The following CNBD1 variants were observed in gnomAD, a reference collection of about 807,000 sequenced individuals.
CNBD1 encodes the protein cyclic nucleotide-binding domain-containing protein 1.
Under a neutral mutation model 54.4 loss-of-function variants are expected in CNBD1, and 71 were observed. The observed-to-expected ratio is 1.30, with a 90% CI of 1.08 to 1.59. The LOEUF (loss-of-function observed/expected upper bound fraction) is 1.59, where lower values mean the gene tolerates loss of function less well. Ranked by LOEUF, CNBD1 falls within the 40% of genes most tolerant of loss-of-function variation. The pLI is 0.00. For synonymous variants in CNBD1, 182 were observed against 170.7 expected, an observed-to-expected ratio of 1.07 and a Z score of -0.51; for missense variants, 659 against 518.0, an observed-to-expected ratio of 1.27 and a Z score of -2.64.
intron 10 of CNBD1, among the ~76,000 whole-genome samples, chr8:87,365,327 G>C (rs1810621734): frequency 6.6e-6 from 1 of 151,676 alleles, no homozygotes; most frequent in Non-Finnish European, 1.5e-5. Context: ...CATGTCTTTT[G>C]CTCAGTTTTT....
chr8:87,326,477 A>G (rs1347571132), intron 8 of CNBD1, among the ~76,000 whole-genome samples: 1 of 123,480 alleles, frequency 8.1e-6, no homozygotes, highest in African/African-American at 3.0e-5. Flanking sequence ...ACATAGTCCC[A>G]TATTTCTTGG....
intron 4 of CNBD1, among the ~76,000 whole-genome samples, chr8:87,109,729 A>G (rs11990191): frequency 0.55 from 83,669 of 151,190 alleles, 24,844 homozygotes; most frequent in African/African-American, 0.78. Flanking sequence ...TAGTAGAGAC[A>G]GGGTCTCACC....
chr8:87,087,878 A>G (rs957218270), intron 4 of CNBD1, among the ~76,000 whole-genome samples: 3 of 152,186 alleles, frequency 2.0e-5, no homozygotes, highest in African/African-American at 7.2e-5. Context: ...CAGATGCTAA[A>G]TGACTTGCAA....
downstream of CNBD1, among the ~76,000 whole-genome samples, chr8:87,386,135 A>T (rs1811182003): frequency 6.6e-6 from 1 of 152,270 alleles, no homozygotes; most frequent in Middle Eastern, 3.4e-3. Context: ...TCAAAGACCA[A>T]AAGTAGATAA....
intron 4 of CNBD1, among the ~76,000 whole-genome samples, chr8:87,115,226 A>T (rs561299819): frequency 6.6e-6 from 1 of 152,326 alleles, no homozygotes; most frequent in African/African-American, 2.4e-5. Context: ...TCACTTAAAC[A>T]ATTACTTTAG....
At chr8:87,288,144 CT>C (rs1808730023) in intron 8 of CNBD1, among the ~76,000 whole-genome samples, 1 of 152,044 alleles carries the variant, frequency 6.6e-6, no homozygotes, top group Non-Finnish European at 1.5e-5. Context: ...ATTCAAGTAC[CT>C]GTAATGATGA....
At chr8:87,287,959 A>T (rs1473503586) in intron 8 of CNBD1, among the ~76,000 whole-genome samples, 1 of 151,952 alleles carries the variant, frequency 6.6e-6, no homozygotes, top group Non-Finnish European at 1.5e-5. Context: ...TGTTTATGAC[A>T]TTTTTTTCCT....
intron 4 of CNBD1, among the ~76,000 whole-genome samples, chr8:86,970,867 C>G (rs767014296): frequency 6.6e-6 from 1 of 152,070 alleles, no homozygotes; most frequent in African/African-American, 2.4e-5. Context: ...CTGAAGGGCA[C>G]CTAGGTTGAT....
At chr8:87,281,591 T>C (rs1808603083) in intron 6 of CNBD1, among the ~76,000 whole-genome samples, 1 of 68,918 alleles carries the variant, frequency 1.5e-5, no homozygotes, top group Admixed American at 1.4e-4. Context: ...TATATATATA[T>C]ATATATATAT....
chr8:87,121,998 G>C (rs1811900660), intron 4 of CNBD1, among the ~76,000 whole-genome samples: 1 of 151,094 alleles, frequency 6.6e-6, no homozygotes, highest in African/African-American at 2.4e-5. Flanking sequence ...CCTATATCTT[G>C]GCTGTTGTGA....
At chr8:87,354,591 G>C (rs542573529) in intron 10 of CNBD1, among the ~76,000 whole-genome samples, 2 of 149,600 alleles carry the variant, frequency 1.3e-5, no homozygotes, top group South Asian at 4.3e-4. Flanking sequence ...GGTGTGTGAT[G>C]TTCCCCTTCC....
intron 8 of CNBD1, among the ~76,000 whole-genome samples, chr8:87,305,921 A>G (rs764805244): frequency 6.6e-6 from 1 of 152,226 alleles, no homozygotes; most frequent in Non-Finnish European, 1.5e-5. Context: ...TAATTAAACT[A>G]AAGAGCATTT....
chr8:86,990,613 G>A (rs1214533604), intron 4 of CNBD1, among the ~76,000 whole-genome samples: 1 of 152,162 alleles, frequency 6.6e-6, no homozygotes, highest in Admixed American at 6.6e-5. Flanking sequence ...ATAATTTGAA[G>A]TCAGGTAATG....
intron 5 of CNBD1, among the ~76,000 whole-genome samples, chr8:87,208,627 A>G (rs1814028683): frequency 6.6e-6 from 1 of 152,074 alleles, no homozygotes; most frequent in Non-Finnish European, 1.5e-5. Flanking sequence ...CAGTTTAGTT[A>G]CTAACCTGTA....
rs142878966 is a variant in CNBD1 at position 87,003,014 on chromosome 8, A to G, written c.431+63260A>G. Among the ~76,000 whole-genome samples, 749 of 152,328 alleles carry G rather than the reference A, an allele frequency of 4.9e-3. 6 individuals are homozygous for G. Among genetic ancestry groups the G allele is most frequent in the African/African-American group, 0.017 (702 of 41,572 alleles). On this transcript the variant is annotated intron_variant, in intron 4 of 10. Transcript: ENST00000518476. Reference sequence around the variant, plus strand: ...CTCGAACACCTTTTCCCTTGAAGCAATGACCACCAGTTCATGTCCATGAAA... The same window carrying G: ...CTCGAACACCTTTTCCCTTGAAGCAGTGACCACCAGTTCATGTCCATGAAA...
intron 4 of CNBD1, among the ~76,000 whole-genome samples, chr8:87,011,331 T>G (rs1809217729): frequency 6.6e-6 from 1 of 152,162 alleles, no homozygotes; most frequent in Non-Finnish European, 1.5e-5. Flanking sequence ...AATCATCAAA[T>G]GCCTTGAGGG....
chr8:87,345,654 A>T (rs1810157869), intron 8 of CNBD1, among the ~76,000 whole-genome samples: 1 of 152,218 alleles, frequency 6.6e-6, no homozygotes, highest in Non-Finnish European at 1.5e-5. Context: ...TGGTGTCAGA[A>T]TTGTAGATTC....
At chr8:86,957,871 G>C (rs952301376) in intron 4 of CNBD1, among the ~76,000 whole-genome samples, 1 of 152,022 alleles carries the variant, frequency 6.6e-6, no homozygotes, top group Non-Finnish European at 1.5e-5. Flanking sequence ...CCTTCTGCTA[G>C]CTTTTGAATG....
At chr8:87,187,470 C>CT (rs5893014) in intron 4 of CNBD1, among the ~76,000 whole-genome samples, 31,185 of 141,734 alleles carry the variant, frequency 0.22, 3,461 homozygotes, top group South Asian at 0.27. Context: ...ATATCCTTCT[C>CT]TTTTTTTTTT....
Sources: gnomAD v4.1 joint callset for allele counts (sites outside exome capture counted in the v4.1 genomes callset) on GRCh38, gnomAD v4.1.1 for gene constraint, MANE v1.5 for transcripts, NCBI Gene and HGNC (gene_info 2026-07-23, HGNC 2026-07-21) for gene names.